Variants in SREBF1 observed in about 807,000 individuals in gnomAD.
SREBF1 encodes the protein sterol regulatory element binding transcription factor 1.
Under a neutral mutation model 100.1 loss-of-function variants are expected in SREBF1, and 45 were observed. The ratio of observed to expected loss-of-function variants is 0.45; its 90% confidence interval spans 0.35 to 0.58. The LOEUF (loss-of-function observed/expected upper bound fraction) is 0.58. Among genes scored for constraint, SREBF1 ranks in the 20% least tolerant of loss-of-function variants. The probability of loss-of-function intolerance (pLI) is 0.00; values close to 1 mark genes in which losing one functional copy is unlikely to be tolerated. For synonymous variants in SREBF1, 657 were observed against 681.8 expected (o/e 0.96, Z 0.57); for missense variants, 1,324 against 1,539.4 (o/e 0.86, Z 2.34).
intron 13 of SREBF1, 40 bp downstream of exon 13, chr17:17,815,181 C>T (rs776697983): frequency 3.2e-6 from 5 of 1,578,760 alleles, no homozygotes; most frequent in Non-Finnish European, 4.4e-6. Flanking sequence ...AGAATCCCGC[C>T]GGAGGGGCCT....
chr17:17,819,266 CAT>C (rs1491523096), intron 4 of SREBF1, 32 bp from the exon 5 acceptor site: 15 of 1,613,216 alleles, frequency 9.3e-6, no homozygotes, highest in Non-Finnish European at 1.2e-5. Context: ...ACCAGGTGGG[CAT>C]GTGTGTGTGT....
At position 17,824,967 on chromosome 17, in the gene SREBF1, G is replaced by T. The variant is rs924092040; in HGVS notation, c.92-4446C>A. Among the ~76,000 whole-genome samples the T allele has an allele frequency of 6.6e-6, 1 of 152,168 alleles. No homozygotes were observed. The highest frequency in any genetic ancestry group is 2.4e-5 in the African/African-American group (1 of 41,426). ...GGCCCAACCCTCCCCTCAGCCCGCG[G>T]GTGTTCCCTCACCCCCAAAACAAAA... On this transcript the variant is annotated intron_variant, in intron 1 of 18. Transcript: ENST00000261646. This position sits in a 1 kb window ranked among gnomAD's most constrained non-coding sequence, Gnocchi z 4.2.
At position 17,816,675 on chromosome 17, in the gene SREBF1, C is replaced by T. The variant is rs7214136; in HGVS notation, c.1829G>A (p.Arg610Gln). 4.7e-3 allele frequency: 7,451 copies of T among 1,582,036 alleles called. 169 individuals carry two copies. The African/African-American group carries it at 0.061, about 13-fold the overall frequency. ...GGTGGGCAGGGGCCGGCCCAGTGCC[C>T]GCAGGGCCAGCCACAGCTGCTGGGC... ...QAAQQLWLALRALGRPLPTSH... is the reference protein window; with the variant it reads ...QAAQQLWLALQALGRPLPTSH... The change falls in exon 10 of 19, where the codon CGG becomes CAG. Residue 610 changes from arginine to glutamine, a missense_variant. Arg to Gln is a conservative substitution (Grantham distance 43, BLOSUM62 1). Coordinates refer to ENST00000261646, the MANE Select transcript of SREBF1 (RefSeq NM_004176.5).
rs1204762043 is a variant in SREBF1, at chr17:17,812,012, C to A, written c.*610G>T. On this transcript the variant is annotated 3_prime_UTR_variant, in exon 19 of 19. Coordinates refer to ENST00000261646, the MANE Select transcript of SREBF1 (RefSeq NM_004176.5). ...GGGAGGGGAAGCCTTTCCCTAGGTG[C>A]TGGGGGAGGGCCCAAGCACTCTCAC... is the stretch of plus-strand genomic sequence containing the variant. The A allele has an allele frequency of 2.3e-6, 1 of 439,982 alleles. No individual in the cohort carries two copies. 27.3% of individuals were successfully genotyped at this position (439,982 alleles called of 1,614,324 possible).
intron 5 of SREBF1, 119 bp from the exon 6 acceptor site, chr17:17,818,493 C>T: frequency 1.4e-6 from 1 of 730,518 alleles, no homozygotes; most frequent in Non-Finnish European, 2.4e-6. Flanking sequence ...GCCTCAGGAC[C>T]TTTGCACTTG....
At chr17:17,818,400 G>T in intron 5 of SREBF1, 26 bp from the exon 6 acceptor site, 2 of 1,281,048 alleles carry the variant, frequency 1.6e-6, no homozygotes, top group East Asian at 2.3e-5. Context: ...GGGAGGGGGA[G>T]CGCACAGGTG....
Position 17,828,098 on chromosome 17 carries a change from G to C in SREBF1, c.92-7577C>G, listed in dbSNP as rs558139183. 2.6e-5 allele frequency among the ~76,000 whole-genome samples: 4 copies of C among 152,324 alleles called. No individual in the cohort carries two copies. In the South Asian group the frequency reaches 8.3e-4, roughly 32 times the overall value. ...CTGACCACAGCAGGGACCCCAGTCA[G>C]AGGCCGTGCAGACTCCAGCCATGGC... On this transcript the variant is annotated intron_variant, in intron 1 of 18. Coordinates refer to ENST00000261646, the MANE Select transcript of SREBF1 (RefSeq NM_004176.5).
At position 17,812,641 on chromosome 17, in the gene SREBF1, G is replaced by A; in HGVS notation, c.3425C>T (p.Thr1142Ile). 1 of 1,606,448 alleles carries A rather than the reference G, an allele frequency of 6.2e-7. No homozygotes were observed. Among genetic ancestry groups the A allele is most frequent in the Non-Finnish European group, 8.5e-7 (1 of 1,176,614 alleles). Residue 1142 changes from threonine to isoleucine, a missense_variant, in exon 19 of 19, where the codon ACC becomes ATC. Transcript: ENST00000261646. ...CGGGGTCTAGCTGGAAGTGACAGTG[G>A]TCCCACCGCCCAGGCGCATGAGCAT... is the stretch of plus-strand genomic sequence containing the variant. ...QQMLMRLGGG[T>I]TVTSS is the part of the protein sequence containing the mutation.
intron 1 of SREBF1, among the ~76,000 whole-genome samples, chr17:17,833,704 C>T (rs537595456): frequency 3.9e-5 from 6 of 151,936 alleles, no homozygotes; most frequent in African/African-American, 2.4e-5. Flanking sequence ...TGATGAAGGC[C>T]GGGCATGGTG....
At position 17,813,573 on chromosome 17, in the gene SREBF1, C is replaced by A. The variant is rs376052173; in HGVS notation, c.3098G>T (p.Arg1033Leu). The change falls in exon 17 of 19, where the codon CGG (arginine) becomes CTG (leucine). Residue 1033 changes from arginine to leucine, a missense_variant. Transcript: ENST00000261646. Reference protein sequence around the residue: ...RLAQSFRPAMRRVFLHEATAR... With the variant: ...RLAQSFRPAMLRVFLHEATAR... The stretch of plus-strand genomic sequence containing the variant: ...ACAGGGCCATCGGGCACTCACCCTC[C>A]GCATGGCGGGCCGGAAGCTCTGTGC... The A allele has an allele frequency of 1.3e-6, 2 of 1,596,020 alleles. No individual in the cohort carries two copies. The highest frequency in any genetic ancestry group is 3.4e-5 in the Admixed American group (2 of 58,742).
At chr17:17,821,964 G>A (rs1037070810) in intron 1 of SREBF1, among the ~76,000 whole-genome samples, 2 of 152,184 alleles carry the variant, frequency 1.3e-5, no homozygotes, top group South Asian at 2.1e-4. Context: ...CATTCTACAC[G>A]TGAAGAAACT....
intron 1 of SREBF1, 50 bp from the exon 2 acceptor site, chr17:17,820,571 A>G (rs1225758121): frequency 6.3e-7 from 1 of 1,581,594 alleles, no homozygotes; most frequent in Non-Finnish European, 8.6e-7. Context: ...CTGACCCCCA[A>G]ACAGGGCATC....
rs1393381573 is a variant in SREBF1 at position 17,811,464 on chromosome 17, G to C, written c.*1158C>G. 8.8e-6 allele frequency: 2 copies of C among 226,284 alleles called. No homozygotes were observed. The highest frequency in any genetic ancestry group is 2.4e-5 in the African/African-American group (1 of 41,128). 14.0% of individuals were successfully genotyped at this position (226,284 alleles called of 1,614,324 possible). ...GATTGTTTTGGAAAATCTGCAGCCC[G>C]TGGATTCCGACCAGATTCAGCTGGG... On this transcript the variant is annotated 3_prime_UTR_variant, in exon 19 of 19. Transcript: ENST00000261646.
At chr17:17,820,655 G>T in intron 1 of SREBF1, 134 bp from the exon 2 acceptor site, 2 of 1,024,342 alleles carry the variant, frequency 2.0e-6, no homozygotes, top group Non-Finnish European at 1.5e-6. Context: ...AATGCCACCA[G>T]GACAGAAAGC....
In SREBF1 at chr17:17,814,755, A is replaced by C; in HGVS notation, c.2603-8T>G. 6.2e-7 allele frequency: 1 copy of C among 1,611,686 alleles called. No individual in the cohort carries two copies. ...TGGCCACCGGGTCTACGCCTGCAGAAGAGGGAGGGTCCCCTGAACCCTCAG... is the reference window on the plus strand; with the variant it reads ...TGGCCACCGGGTCTACGCCTGCAGACGAGGGAGGGTCCCCTGAACCCTCAG... On this transcript the variant is annotated splice_polypyrimidine_tract_variant and splice_region_variant and intron_variant, in intron 14 of 18. Transcript: ENST00000261646.
intron 1 of SREBF1, chr17:17,823,465 G>T: frequency 6.8e-6 from 9 of 1,331,460 alleles, no homozygotes; most frequent in Non-Finnish European, 8.7e-6. Context: ...AGGAGAACCT[G>T]CAGGAGACGG....
intron 1 of SREBF1, chr17:17,820,722 T>C: frequency 3.1e-6 from 2 of 643,018 alleles, no homozygotes; most frequent in Admixed American, 4.5e-5. Flanking sequence ...ACCTGTGCTG[T>C]CTAAAGCAAT....
In SREBF1 at chr17:17,814,383, G is replaced by T; in HGVS notation, c.2763C>A (p.His921Gln). Residue 921 changes from histidine to glutamine, a missense_variant, in exon 16 of 19, where the codon CAC becomes CAA. Transcript: ENST00000261646. ...SERPLPRAAL[H>Q]SFKAARALLG... ...GCAGGGCCCGGGCAGCCTTGAAGGA[G>T]TGCAGAGCTGCCCTGGGCAGGGGTC... is the stretch of plus-strand genomic sequence containing the variant. 6.4e-7 allele frequency: 1 copy of T among 1,562,420 alleles called. No homozygotes were observed. Among genetic ancestry groups the T allele is most frequent in the Non-Finnish European group, 8.7e-7 (1 of 1,153,274 alleles).
At chr17:17,836,605 A>G (rs1326806395) in intron 1 of SREBF1, 122 bp downstream of exon 1, 5 of 960,946 alleles carry the variant, frequency 5.2e-6, no homozygotes, top group African/African-American at 5.1e-5. Flanking sequence ...GACACCGGGA[A>G]GTCCCGCGCG....
Sources: allele counts gnomAD v4.1 joint callset (sites outside exome capture counted in the v4.1 genomes callset), GRCh38; gene constraint gnomAD v4.1.1; non-coding constraint Gnocchi (gnomAD v3.1); transcripts MANE v1.5; gene names NCBI Gene and HGNC (gene_info 2026-07-23, HGNC 2026-07-21).